The following CDH18 variants were observed in gnomAD, a reference collection of about 807,000 sequenced individuals.
The protein encoded by CDH18 is cadherin-18.
Under a neutral mutation model 67.9 loss-of-function variants are expected in CDH18, and 31 were observed. The observed-to-expected ratio is 0.46, with a 90% confidence interval of 0.34 to 0.62. The LOEUF is 0.62. Among genes scored for constraint, CDH18 ranks in the 20% least tolerant of loss-of-function variants. The pLI is 0.01. For missense variants in CDH18, 890 were observed against 975.5 expected (o/e 0.91, Z 1.17); for synonymous variants, 362 against 347.2 (o/e 1.04, Z -0.48).
At chr5:20,265,247 G>T (rs1456817232) in intron 1 of CDH18, among the ~76,000 whole-genome samples, 2 of 151,398 alleles carry the variant, frequency 1.3e-5, no homozygotes, top group Admixed American at 6.6e-5. Context: ...TTTTTTTCCT[G>T]GTTATTATAA....
intron 2 of CDH18, among the ~76,000 whole-genome samples, chr5:20,121,538 G>T (rs568155929): frequency 1.3e-5 from 2 of 152,222 alleles, no homozygotes; most frequent in African/African-American, 4.8e-5. Flanking sequence ...GAGAAAAGAT[G>T]AAAATGGGGC....
intron 7 of CDH18, among the ~76,000 whole-genome samples, chr5:19,589,602 G>A (rs545951327): frequency 1.2e-4 from 19 of 152,224 alleles, no homozygotes; most frequent in African/African-American, 4.6e-4. Flanking sequence ...TTAACACACA[G>A]CCTTGGCATC....
At chr5:19,679,273 TCAA>T (rs1413486029) in intron 5 of CDH18, among the ~76,000 whole-genome samples, 2 of 151,992 alleles carry the variant, frequency 1.3e-5, no homozygotes, top group African/African-American at 4.8e-5. Context: ...TTGAAAATTC[TCAA>T]CAAACTAGGC....
At chr5:20,493,863 G>C (rs572924443) in intron 1 of CDH18, among the ~76,000 whole-genome samples, 12 of 152,000 alleles carry the variant, frequency 7.9e-5, no homozygotes, top group Non-Finnish European at 1.0e-4. Context: ...GTGTTACATC[G>C]GGTCTGACTA....
intron 12 of CDH18, among the ~76,000 whole-genome samples, chr5:19,480,226 T>C (rs558085352): frequency 7.9e-5 from 12 of 152,262 alleles, no homozygotes; most frequent in African/African-American, 2.6e-4. Context: ...AGGGTAATTG[T>C]TGTGCAGCCT....
intron 2 of CDH18, among the ~76,000 whole-genome samples, chr5:20,082,081 C>T (rs1744526945): frequency 6.6e-6 from 1 of 151,842 alleles, no homozygotes; most frequent in African/African-American, 2.4e-5. Context: ...TGCATATACA[C>T]ACAGACATAA....
intron 7 of CDH18, among the ~76,000 whole-genome samples, chr5:19,589,865 A>C (rs184707891): frequency 6.6e-6 from 1 of 152,228 alleles, no homozygotes; most frequent in Non-Finnish European, 1.5e-5. Context: ...TCATCCTTAC[A>C]GTCTATATCT....
At chr5:19,628,398 G>A (rs1751878601) in intron 5 of CDH18, among the ~76,000 whole-genome samples, 1 of 152,122 alleles carries the variant, frequency 6.6e-6, no homozygotes, top group Admixed American at 6.5e-5. Flanking sequence ...TGATTGTTTT[G>A]AAAGTTGCTT....
intron 1 of CDH18, among the ~76,000 whole-genome samples, chr5:20,324,253 A>G (rs1738324181): frequency 6.6e-6 from 1 of 152,108 alleles, no homozygotes; most frequent in Non-Finnish European, 1.5e-5. Flanking sequence ...TGTAGGGGGA[A>G]GGCCGGGCGC....
At chr5:20,327,718 C>T (rs1392104340) in intron 1 of CDH18, among the ~76,000 whole-genome samples, 1 of 151,906 alleles carries the variant, frequency 6.6e-6, no homozygotes, top group Admixed American at 6.6e-5. Flanking sequence ...TAAGGTATCC[C>T]TGGGACTTAG....
intron 7 of CDH18, among the ~76,000 whole-genome samples, chr5:19,573,809 T>A (rs1741857974): frequency 6.6e-6 from 1 of 152,174 alleles, no homozygotes; most frequent in South Asian, 2.1e-4. Flanking sequence ...GAATCGTGCA[T>A]CCTGCTCATG....
At chr5:19,716,348 CCTTA>C (rs1270735801) in intron 5 of CDH18, among the ~76,000 whole-genome samples, 1 of 151,946 alleles carries the variant, frequency 6.6e-6, no homozygotes, top group Non-Finnish European at 1.5e-5. Flanking sequence ...TTGCAATAAA[CCTTA>C]CTATTTCAGA....
At chr5:20,510,053 G>T (rs2457036) in intron 1 of CDH18, among the ~76,000 whole-genome samples, 74,478 of 151,970 alleles carry the variant, frequency 0.49, 18,394 homozygotes, top group East Asian at 0.58. Context: ...ATCAACATTT[G>T]TTATCTTTCA....
intron 2 of CDH18, among the ~76,000 whole-genome samples, chr5:20,253,614 A>T (rs1309406002): frequency 2.6e-5 from 4 of 152,186 alleles, no homozygotes; most frequent in Non-Finnish European, 5.9e-5. Flanking sequence ...AATCAGAAGA[A>T]TTAACAGTAG....
At chr5:19,745,204 T>C (rs1355443522) in intron 4 of CDH18, among the ~76,000 whole-genome samples, 1 of 152,238 alleles carries the variant, frequency 6.6e-6, no homozygotes, top group East Asian at 1.9e-4. Flanking sequence ...TCAGTTACCA[T>C]TCATGCCTTC....
intron 3 of CDH18, among the ~76,000 whole-genome samples, chr5:19,805,168 A>C (rs1581427066): frequency 6.6e-6 from 1 of 152,182 alleles, no homozygotes; most frequent in Non-Finnish European, 1.5e-5. Context: ...GCTAGTCTCA[A>C]AACTCCTGGG....
At chr5:20,478,979 C>T (rs1253223235) in intron 1 of CDH18, among the ~76,000 whole-genome samples, 5 of 152,126 alleles carry the variant, frequency 3.3e-5, no homozygotes, top group African/African-American at 4.8e-5. Context: ...GCAATTCTTC[C>T]GGATCTCACC....
intron 4 of CDH18, among the ~76,000 whole-genome samples, chr5:19,722,699 T>G (rs953962177): frequency 3.3e-5 from 5 of 151,914 alleles, no homozygotes; most frequent in African/African-American, 1.2e-4. Flanking sequence ...ATTCATAAAA[T>G]GTACCTGATG....
chr5:19,891,109 G>C (rs980679510), intron 2 of CDH18, among the ~76,000 whole-genome samples: 1 of 151,962 alleles, frequency 6.6e-6, no homozygotes, highest in Non-Finnish European at 1.5e-5. Context: ...CTTTGGCTTG[G>C]TCTGCTCTCT....
Sources: gnomAD v4.1 joint callset for allele counts (sites outside exome capture counted in the v4.1 genomes callset) on GRCh38, gnomAD v4.1.1 for gene constraint, MANE v1.5 for transcripts, NCBI Gene and HGNC (gene_info 2026-07-23, HGNC 2026-07-21) for gene names.